HEXB: variants seen among roughly 807,000 people sequenced by gnomAD.
The protein encoded by HEXB is beta-hexosaminidase subunit beta.
A neutral mutation model predicts 71.2 loss-of-function variants in HEXB; 51 were observed. The ratio of observed to expected loss-of-function variants is 0.72; its 90% CI spans 0.57 to 0.90. HEXB has a LOEUF of 0.90. Ranked by LOEUF, HEXB falls within the 40% of genes least tolerant of loss-of-function variation. The pLI is 0.00. For missense variants in HEXB, 617 were observed against 677.0 expected (o/e 0.91, Z 0.98); for synonymous variants, 266 against 249.3 (o/e 1.07, Z -0.63).
chr5:74,713,572 T>C lies in HEXB; in HGVS notation c.838T>C (p.Leu280=), dbSNP rs1057518432. The C allele has an allele frequency of 6.2e-7, 1 of 1,613,120 alleles. No homozygotes were observed. The highest frequency in any genetic ancestry group is 8.5e-7 in the Non-Finnish European group (1 of 1,179,074). ...CCGTATGGTGATTGAATATGCCAGA[T>C]TACGAGGAATTCGAGTCCTGCCAGA... ...DVRMVIEYAR[L]RGIRVLPEFD... is the part of the protein sequence containing the mutation. The change falls in exon 7 of 14, where the codon TTA becomes CTA. Residue 280 remains leucine, a synonymous_variant. Transcript: ENST00000261416.
At chr5:74,668,948 G>C (rs1396282137) in intron 1 of HEXB, among the ~76,000 whole-genome samples, 1 of 152,142 alleles carries the variant, frequency 6.6e-6, no homozygotes, top group South Asian at 2.1e-4. Flanking sequence ...TGGTTTGTGC[G>C]GGCATTTTTT....
upstream of HEXB, among the ~76,000 whole-genome samples, chr5:74,682,915 C>G (rs1230539453): frequency 1.3e-5 from 2 of 152,108 alleles, no homozygotes; most frequent in African/African-American, 4.8e-5. Context: ...TTTATTTAAT[C>G]AGTTTTACAT....
At chr5:74,674,400 G>A (rs1207362212) in intron 1 of HEXB, among the ~76,000 whole-genome samples, 1 of 152,018 alleles carries the variant, frequency 6.6e-6, no homozygotes, top group African/African-American at 2.4e-5. Flanking sequence ...TCAGGAGATC[G>A]AGACCATCCT....
chr5:74,640,613 G>C (rs769887752), intron 1 of HEXB: 5 of 152,418 alleles, frequency 3.3e-5, no homozygotes, highest in Non-Finnish European at 7.3e-5. Flanking sequence ...CGGGCTGTGC[G>C]CTCGGGGGAG....
intron 1 of HEXB, among the ~76,000 whole-genome samples, chr5:74,656,570 C>T (rs1203186069): frequency 6.6e-6 from 1 of 151,826 alleles, no homozygotes; most frequent in Admixed American, 6.6e-5. Flanking sequence ...TGAGGAACCA[C>T]ATTGCACACA....
At chr5:74,648,670 A>T (rs1748046328) in intron 1 of HEXB, among the ~76,000 whole-genome samples, 1 of 152,160 alleles carries the variant, frequency 6.6e-6, no homozygotes, top group Admixed American at 6.5e-5. Context: ...CTAATTTTTC[A>T]AACAGTGGTT....
chr5:74,694,105 G>A (rs11746583), intron 3 of HEXB, among the ~76,000 whole-genome samples: 19,655 of 152,158 alleles, frequency 0.13, 1,623 homozygotes, highest in East Asian at 0.25. Context: ...GCTGCAGCGA[G>A]CCTAGATCAC....
chr5:74,677,744 GT>G lies in HEXB; in HGVS notation c.-376-11578del, dbSNP rs571557298. 2.7e-3 allele frequency among the ~76,000 whole-genome samples: 415 copies of G among 151,824 alleles called. 1 individual carries two copies. Among genetic ancestry groups the G allele is most frequent in the Non-Finnish European group, 4.5e-3 (308 of 67,970 alleles). On this transcript the variant is annotated intron_variant, in intron 1 of 13. Transcript: ENST00000511181. ...TCCAGTAGCTTTTGGGGTACAAGTG[GT>G]TTTTTGTTAAAAGGATTAATTATAT... is the stretch of plus-strand genomic sequence containing the variant.
chr5:74,662,002 AAT>A (rs1748335940), intron 1 of HEXB, among the ~76,000 whole-genome samples: 2 of 152,226 alleles, frequency 1.3e-5, no homozygotes, highest in Admixed American at 1.3e-4. Context: ...TTACGAGAGG[AAT>A]AGATACTCTT....
intron 6 of HEXB, among the ~76,000 whole-genome samples, chr5:74,710,138 T>C (rs985683122): frequency 1.3e-5 from 2 of 152,074 alleles, no homozygotes; most frequent in South Asian, 2.1e-4. Flanking sequence ...TCAATATACG[T>C]AAATCAATAA....
intron 8 of HEXB, 62 bp from the exon 9 acceptor site, chr5:74,716,525 C>A: frequency 1.0e-6 from 1 of 977,500 alleles, no homozygotes; most frequent in Non-Finnish European, 1.6e-6. Flanking sequence ...ATGTATACTG[C>A]TCTAAATAAT....
intron 1 of HEXB, among the ~76,000 whole-genome samples, chr5:74,659,746 G>A (rs1748284979): frequency 6.6e-6 from 1 of 152,080 alleles, no homozygotes; most frequent in Non-Finnish European, 1.5e-5. Context: ...AACTCTAGGG[G>A]ACTTCAGCAA....
intron 1 of HEXB, 38 bp from the exon 2 acceptor site, chr5:74,689,290 A>G (rs1359715860): frequency 6.3e-7 from 1 of 1,579,790 alleles, no homozygotes; most frequent in Admixed American, 1.7e-5. Context: ...TTTGGCTAAA[A>G]TCCTTCTAAA....
chr5:74,685,177 G>A, upstream of HEXB: 3 of 1,372,866 alleles, frequency 2.2e-6, no homozygotes, highest in Non-Finnish European at 2.8e-6. Context: ...ACCCGCGGCC[G>A]CGCTTCCTCT....
chr5:74,712,859 T>C (rs990941738), intron 6 of HEXB, among the ~76,000 whole-genome samples: 2 of 152,186 alleles, frequency 1.3e-5, no homozygotes, highest in Non-Finnish European at 2.9e-5. Context: ...CTCACAACTT[T>C]AGTTACAAAC....
upstream of HEXB, among the ~76,000 whole-genome samples, chr5:74,683,139 C>T (rs74457157): frequency 4.6e-5 from 7 of 152,238 alleles, no homozygotes; most frequent in East Asian, 1.9e-4. Flanking sequence ...CTCCAGGATA[C>T]GGTGCAGGGC....
intron 1 of HEXB, among the ~76,000 whole-genome samples, chr5:74,643,575 A>G (rs1339133055): frequency 6.6e-6 from 1 of 152,158 alleles, no homozygotes; most frequent in Non-Finnish European, 1.5e-5. Flanking sequence ...TTTTAATGCT[A>G]TTAAGAAGCT....
At chr5:74,680,998 A>G (rs187002396), upstream of HEXB, among the ~76,000 whole-genome samples, 20 of 152,324 alleles carry the variant, frequency 1.3e-4, no homozygotes, top group Admixed American at 1.1e-3. Context: ...ACTTTGTTTC[A>G]GCTCCATGTT....
chr5:74,689,534 C>T, intron 2 of HEXB, 61 bp downstream of exon 2: 1 of 1,404,372 alleles, frequency 7.1e-7, no homozygotes, highest in African/African-American at 1.4e-5. Flanking sequence ...GACTTAAGTG[C>T]CAAAAACTGA....
Sources: allele counts gnomAD v4.1 joint callset (sites outside exome capture counted in the v4.1 genomes callset), GRCh38; gene constraint gnomAD v4.1.1; transcripts MANE v1.5; gene names NCBI Gene and HGNC (gene_info 2026-07-23, HGNC 2026-07-21).